LMO3: variants seen among roughly 807,000 people sequenced by gnomAD.
LMO3 encodes the protein LIM domain only 3, also known as LIM domain only protein 3.
In LMO3, 2 loss-of-function variants were observed where a neutral mutation model predicts 15.8. The ratio of observed to expected loss-of-function variants is 0.13; its 90% CI spans 0.05 to 0.40. The LOEUF is 0.40. Among genes scored for constraint, LMO3 ranks in the 10% least tolerant of loss-of-function variants. The pLI, the probability that LMO3 is intolerant of heterozygous loss-of-function variation, is 0.99. For missense variants in LMO3, 86 were observed against 182.2 expected (o/e 0.47, Z 3.04); for synonymous variants, 62 against 63.8 (o/e 0.97, Z 0.13).
chr12:16,605,985 C>A, intron 1 of LMO3, 81 bp downstream of exon 1: 1 of 646,698 alleles, frequency 1.5e-6, no homozygotes. Context: ...AAAATACCCA[C>A]ATCCGCACAC....
chr12:16,605,989 C>A, intron 1 of LMO3, 77 bp downstream of exon 1: 1 of 631,378 alleles, frequency 1.6e-6, no homozygotes, highest in Non-Finnish European at 2.8e-6. Flanking sequence ...TACCCACATC[C>A]GCACACGCAC....
Position 16,586,247 on chromosome 12 carries a change from G to A in LMO3, c.206+14408C>T, listed in dbSNP as rs1287134343. On this transcript the variant is annotated intron_variant, in intron 2 of 3. Coordinates refer to ENST00000537304, the MANE Select transcript of LMO3 (RefSeq NM_018640.5). This position sits in a 1 kb window ranked among gnomAD's most constrained non-coding sequence, Gnocchi z 4.3. Reference sequence around the variant, plus strand: ...CTTAAAACATAAGAATGGAAAAGCAGCATTTGAAGTTGTAATCTCTGGCAA... The same window carrying A: ...CTTAAAACATAAGAATGGAAAAGCAACATTTGAAGTTGTAATCTCTGGCAA... Among the ~76,000 whole-genome samples, 2 of 152,164 alleles carry A rather than the reference G, an allele frequency of 1.3e-5. No homozygotes were observed. Among genetic ancestry groups the A allele is most frequent in the East Asian group, 3.9e-4 (2 of 5,194 alleles).
rs1018378852 is a variant in LMO3 at position 16,593,496 on chromosome 12, G to A, written c.206+7159C>T. ...TTTTTGCATCAGAAAACACTAACAT[G>A]ATAGCGCAAAGGAATTCGGCGAAAA... is the stretch of plus-strand genomic sequence containing the variant. On this transcript the variant is annotated intron_variant, in intron 2 of 3. Transcript: ENST00000537304. The surrounding 1 kb of genome is among the most constrained non-coding windows in gnomAD (Gnocchi z 4.2). Among the ~76,000 whole-genome samples the A allele has an allele frequency of 7.3e-5, 11 of 151,716 alleles. No homozygotes were observed. Among genetic ancestry groups the A allele is most frequent in the African/African-American group, 2.4e-4 (10 of 41,392 alleles).
intron 1 of LMO3, chr12:16,605,861 T>C (rs1943978776): frequency 6.6e-7 from 1 of 1,523,566 alleles, no homozygotes; most frequent in Non-Finnish European, 8.8e-7. Flanking sequence ...TAATGAAGCC[T>C]CACATGATTT....
At chr12:16,574,342 T>G (rs1194611673) in intron 2 of LMO3, among the ~76,000 whole-genome samples, 1 of 152,178 alleles carries the variant, frequency 6.6e-6, no homozygotes, top group African/African-American at 2.4e-5. Context: ...GGATAGTGAT[T>G]TAGACACCAC....
intron 2 of LMO3, chr12:16,594,381 TA>T: frequency 1.2e-6 from 1 of 812,170 alleles, no homozygotes; most frequent in Non-Finnish European, 1.8e-6. Flanking sequence ...GAGACATGGC[TA>T]ATACAAATGG....
At position 16,604,827 on chromosome 12, in the gene LMO3, C is replaced by T. The variant is rs1294336137; in HGVS notation, c.-9+1239G>A. ...CTTTTGAGCGGCCAGGAGTGCAGAG[C>T]GCCAGCAAAGTGCATCTATGATAGA... On this transcript the variant is annotated intron_variant, in intron 1 of 3. Transcript: ENST00000537304. The surrounding 1 kb of genome is among the most constrained non-coding windows in gnomAD (Gnocchi z 5.3). The T allele has an allele frequency of 1.6e-5, 26 of 1,596,382 alleles. No individual in the cohort carries two copies. The highest frequency in any genetic ancestry group is 1.9e-5 in the Non-Finnish European group (22 of 1,178,120).
At chr12:16,563,308 C>CT (rs1297302953) in intron 2 of LMO3, among the ~76,000 whole-genome samples, 15 of 152,146 alleles carry the variant, frequency 9.9e-5, no homozygotes. Flanking sequence ...TTCGAGTTCT[C>CT]TTTTTTCTCA....
intron 1 of LMO3, among the ~76,000 whole-genome samples, chr12:16,602,928 G>A (rs1943869829): frequency 6.6e-6 from 1 of 151,574 alleles, no homozygotes; most frequent in African/African-American, 2.4e-5. Flanking sequence ...CTAATTAACG[G>A]CCATTCTATT....
intron 2 of LMO3, among the ~76,000 whole-genome samples, chr12:16,572,809 A>C (rs1025838228): frequency 6.6e-6 from 1 of 151,402 alleles, no homozygotes; most frequent in Non-Finnish European, 1.5e-5. Flanking sequence ...AAACCTGTTC[A>C]CAAAATATAG....
rs1942996100 is a variant in LMO3, at chr12:16,576,344, C to T, written c.207-15806G>A. Among the ~76,000 whole-genome samples the T allele has an allele frequency of 6.6e-6, 1 of 152,164 alleles. No homozygotes were observed. The highest frequency in any genetic ancestry group is 1.5e-5 in the Non-Finnish European group (1 of 68,028). The stretch of plus-strand genomic sequence containing the variant: ...AGCCTCAGCCCCAATGTGCTGTCTA[C>T]TCCCTGGACTCAGCATCTACTTTCA... On this transcript the variant is annotated intron_variant, in intron 2 of 3. Transcript: ENST00000537304. This position sits in a 1 kb window ranked among gnomAD's most constrained non-coding sequence, Gnocchi z 4.1.
intron 2 of LMO3, among the ~76,000 whole-genome samples, chr12:16,588,964 C>T (rs1195213284): frequency 6.6e-6 from 1 of 152,044 alleles, no homozygotes; most frequent in African/African-American, 2.4e-5. Context: ...ACTGTCACCC[C>T]TAACTATTTT....
intron 2 of LMO3, among the ~76,000 whole-genome samples, chr12:16,583,288 G>T (rs565870581): frequency 6.6e-6 from 1 of 152,214 alleles, no homozygotes; most frequent in Non-Finnish European, 1.5e-5. Context: ...AGGGAGTATG[G>T]ATGACAACAA....
intron 1 of LMO3, chr12:16,605,779 C>T (rs1173995584): frequency 1.3e-6 from 2 of 1,535,516 alleles, no homozygotes; most frequent in Non-Finnish European, 1.7e-6. Flanking sequence ...TGAGACGTTC[C>T]GCGCCGCAGC....
In LMO3 at chr12:16,587,369, GTT is replaced by G. The variant is rs759322872; in HGVS notation, c.206+13284_206+13285del. On this transcript the variant is annotated intron_variant, in intron 2 of 3. Coordinates refer to ENST00000537304, the MANE Select transcript of LMO3 (RefSeq NM_018640.5). The surrounding 1 kb of genome is among the most constrained non-coding windows in gnomAD (Gnocchi z 4.3). ...AAAAATTCCAAAGCATTCTTAAAAC[GTT>G]TCACTTAAACATTTCTGCAATAAAA... 6.6e-4 allele frequency among the ~76,000 whole-genome samples: 100 copies of G among 152,144 alleles called. No homozygotes were observed. The highest frequency in any genetic ancestry group is 1.2e-3 in the Non-Finnish European group (81 of 67,976).
intron 2 of LMO3, 133 bp downstream of exon 2, chr12:16,600,522 G>C (rs577814224): frequency 1.4e-6 from 1 of 720,128 alleles, no homozygotes; most frequent in African/African-American, 1.8e-5. Context: ...GCAACGCTTT[G>C]AAGGCTGACA....
intron 2 of LMO3, among the ~76,000 whole-genome samples, chr12:16,579,895 C>T (rs973199114): frequency 6.6e-6 from 1 of 152,106 alleles, no homozygotes; most frequent in Non-Finnish European, 1.5e-5. Flanking sequence ...TATTTATACC[C>T]ACTAGGTTTA....
intron 2 of LMO3, among the ~76,000 whole-genome samples, chr12:16,568,861 A>G (rs1942710149): frequency 6.6e-6 from 1 of 152,198 alleles, no homozygotes; most frequent in African/African-American, 2.4e-5. Flanking sequence ...TGGAGATCCA[A>G]AATTTTCTAA....
intron 2 of LMO3, among the ~76,000 whole-genome samples, chr12:16,592,407 T>A (rs1476088000): frequency 6.6e-6 from 1 of 152,030 alleles, no homozygotes; most frequent in Non-Finnish European, 1.5e-5. Flanking sequence ...TTTCTTTGTA[T>A]CTCCCAAAGT....
Sources: gnomAD v4.1 joint callset for allele counts (sites outside exome capture counted in the v4.1 genomes callset) on GRCh38, gnomAD v4.1.1 for gene constraint, Gnocchi (gnomAD v3.1) non-coding constraint, MANE v1.5 for transcripts, NCBI Gene and HGNC (gene_info 2026-07-23, HGNC 2026-07-21) for gene names.